The following DIS3L2 variants were observed in gnomAD, a reference collection of about 807,000 sequenced individuals.
DIS3L2 encodes the protein DIS3-like exonuclease 2.
DIS3L2 carries 34 observed loss-of-function variants against 97.5 expected under a neutral mutation model. The ratio of observed to expected loss-of-function variants is 0.35; its 90% CI spans 0.27 to 0.46. DIS3L2 has a LOEUF of 0.46. Among genes scored for constraint, DIS3L2 ranks in the 20% least tolerant of loss-of-function variants. The pLI, the probability that DIS3L2 is intolerant of heterozygous loss-of-function variation, is 1.00. For synonymous variants in DIS3L2, 435 were observed against 445.2 expected (o/e 0.98, Z 0.29); for missense variants, 1,038 against 1,146.0 (o/e 0.91, Z 1.36).
At chr2:232,070,756 T>C (rs1039899139) in intron 5 of DIS3L2, among the ~76,000 whole-genome samples, 2 of 152,096 alleles carry the variant, frequency 1.3e-5, no homozygotes, top group Non-Finnish European at 2.9e-5. Flanking sequence ...AGCTAACGTT[T>C]GTATTTTTAG....
downstream of DIS3L2, among the ~76,000 whole-genome samples, chr2:232,338,772 G>A (rs1696044463): frequency 6.6e-6 from 1 of 152,360 alleles, no homozygotes; most frequent in Non-Finnish European, 1.5e-5. Context: ...CTCTCCATGG[G>A]TCCACTGGGG....
intron 10 of DIS3L2, among the ~76,000 whole-genome samples, chr2:232,222,320 C>A (rs1164477845): frequency 6.6e-6 from 1 of 152,146 alleles, no homozygotes; most frequent in Non-Finnish European, 1.5e-5. Context: ...CAGGCAGATC[C>A]CAGGCAACTC....
chr2:232,138,601 G>A (rs1273396247), intron 8 of DIS3L2, among the ~76,000 whole-genome samples: 2 of 151,958 alleles, frequency 1.3e-5, no homozygotes, highest in African/African-American at 4.8e-5. Flanking sequence ...ATTTTGTTCT[G>A]GTTATCCGTT....
intron 5 of DIS3L2, among the ~76,000 whole-genome samples, chr2:232,038,884 C>T (rs188259672): frequency 1.9e-4 from 29 of 152,258 alleles, no homozygotes; most frequent in African/African-American, 6.0e-4. Context: ...TTGTGTTTCT[C>T]CCTAGAGGCC....
chr2:232,153,991 G>T (rs1205705921), intron 8 of DIS3L2, among the ~76,000 whole-genome samples: 1 of 142,878 alleles, frequency 7.0e-6, no homozygotes, highest in Non-Finnish European at 1.5e-5. Flanking sequence ...CCAGTTGATC[G>T]CATCGGCTCC....
At chr2:232,072,783 G>GGGGGTGT (rs1401996898) in intron 5 of DIS3L2, among the ~76,000 whole-genome samples, 1 of 139,812 alleles carries the variant, frequency 7.2e-6, no homozygotes, top group African/African-American at 2.8e-5. Context: ...TGGGATGTGG[G>GGGGGTGT]GTGTGTGTGT....
At position 232,334,431 on chromosome 2, in the gene DIS3L2, G is replaced by C. The variant is rs768385941; in HGVS notation, c.2221G>C (p.Asp741His). ...GCAGAAACAGGCGGACCACTGTAAC[G>C]ACCGCCGCATGGCGTCCAAGCGCGT... The part of the protein sequence containing the change: ...TLQKQADHCN[D>H]RRMASKRVQE... Residue 741 changes from aspartate (D) to histidine (H), a missense_variant, in exon 18 of 21, where the codon GAC becomes CAC. By Grantham distance (81) the Asp-to-His change is moderately conservative (BLOSUM62 -1). Around this residue, in one of 3 missense-constraint regions of DIS3L2, gnomAD observed 221 missense variants for 246.9 expected, o/e 0.90. Transcript: ENST00000325385. 3.7e-6 allele frequency: 6 copies of C among 1,613,654 alleles called. No individual in the cohort carries two copies. The highest frequency in any genetic ancestry group is 2.2e-5 in the East Asian group (1 of 44,886).
chr2:232,215,891 C>T (rs9941617), intron 10 of DIS3L2, among the ~76,000 whole-genome samples: 2,086 of 152,278 alleles, frequency 0.014, 52 homozygotes, highest in African/African-American at 0.048. Context: ...TGAAAAGGTT[C>T]GTGCATGTCT....
At chr2:232,021,402 C>T (rs1341370966) in intron 3 of DIS3L2, among the ~76,000 whole-genome samples, 1 of 151,646 alleles carries the variant, frequency 6.6e-6, no homozygotes, top group Non-Finnish European at 1.5e-5. Context: ...GGGGTTTCTA[C>T]CATAAGTAGA....
intron 14 of DIS3L2, among the ~76,000 whole-genome samples, chr2:232,314,571 A>G (rs1695219021): frequency 6.6e-6 from 1 of 152,086 alleles, no homozygotes; most frequent in Non-Finnish European, 1.5e-5. Flanking sequence ...AGAAAATTCT[A>G]GAACACCAGG....
intron 5 of DIS3L2, among the ~76,000 whole-genome samples, chr2:232,077,970 T>TC (rs1696255199): frequency 8.0e-6 from 1 of 124,450 alleles, no homozygotes; most frequent in African/African-American, 3.2e-5. Context: ...TCTTTCTTTC[T>TC]TTCTTTCTTT....
intron 1 of DIS3L2, among the ~76,000 whole-genome samples, chr2:231,968,375 G>T (rs1486447222): frequency 1.3e-5 from 2 of 152,206 alleles, no homozygotes; most frequent in African/African-American, 4.8e-5. Context: ...GATTACAGGC[G>T]TGAGCCACTG....
At chr2:232,334,330 C>T in intron 17 of DIS3L2, 39 bp from the exon 18 acceptor site, 1 of 1,606,506 alleles carries the variant, frequency 6.2e-7, no homozygotes, top group South Asian at 1.1e-5. Flanking sequence ...TTCCCAGCCC[C>T]CCAGGCTCCC....
intron 6 of DIS3L2, among the ~76,000 whole-genome samples, chr2:232,106,440 A>T (rs1465833938): frequency 6.6e-6 from 1 of 152,226 alleles, no homozygotes; most frequent in Non-Finnish European, 1.5e-5. Flanking sequence ...CAGACTTTAA[A>T]CCACCAAAGA....
chr2:232,175,949 G>C (rs1691139637), intron 9 of DIS3L2, among the ~76,000 whole-genome samples: 1 of 152,042 alleles, frequency 6.6e-6, no homozygotes, highest in Non-Finnish European at 1.5e-5. Context: ...GAGTGCAGTG[G>C]TGCGATTTCA....
At chr2:232,108,060 C>G (rs1375859475) in intron 6 of DIS3L2, among the ~76,000 whole-genome samples, 1 of 152,124 alleles carries the variant, frequency 6.6e-6, no homozygotes, top group Non-Finnish European at 1.5e-5. Flanking sequence ...GATACCAAAA[C>G]CTGGCAGAGT....
intron 10 of DIS3L2, among the ~76,000 whole-genome samples, chr2:232,224,823 G>C (rs1175148900): frequency 6.7e-6 from 1 of 148,850 alleles, no homozygotes; most frequent in African/African-American, 2.5e-5. Flanking sequence ...GGGCAACTGA[G>C]TGAGACTCTG....
chr2:232,158,306 C>CATGT (rs368545845), intron 8 of DIS3L2, among the ~76,000 whole-genome samples: 2,219 of 150,562 alleles, frequency 0.015, 56 homozygotes, highest in African/African-American at 0.048. Context: ...TCCTTTATAT[C>CATGT]GTGTGTGTGT....
intron 11 of DIS3L2, among the ~76,000 whole-genome samples, chr2:232,239,579 A>G (rs1362781170): frequency 6.6e-6 from 1 of 152,130 alleles, no homozygotes; most frequent in African/African-American, 2.4e-5. Flanking sequence ...GATTCTGCCT[A>G]TACTAGCTTG....
Sources: allele counts gnomAD v4.1 joint callset (sites outside exome capture counted in the v4.1 genomes callset), GRCh38; gene constraint gnomAD v4.1.1; regional missense constraint gnomAD v4.1.1; transcripts MANE v1.5; gene names NCBI Gene and HGNC (gene_info 2026-07-23, HGNC 2026-07-21).